Variants in KAZN observed in about 807,000 individuals in gnomAD.
KAZN encodes kazrin, periplakin interacting protein, also known as kazrin.
KAZN carries 40 observed loss-of-function variants against 87.4 expected under a neutral mutation model. The observed-to-expected ratio is 0.46, with a 90% CI of 0.36 to 0.60. KAZN has a LOEUF of 0.60. Ranked by LOEUF, KAZN falls within the 20% of genes least tolerant of loss-of-function variation. The pLI, the probability that KAZN is intolerant of heterozygous loss-of-function variation, is 0.00. For synonymous variants in KAZN, 466 were observed against 458.3 expected (o/e 1.02, Z -0.22); for missense variants, 898 against 1,073.9 (o/e 0.84, Z 2.29).
intron 1 of KAZN, among the ~76,000 whole-genome samples, chr1:14,600,203 A>G (rs2148597264): frequency 6.6e-6 from 1 of 152,360 alleles, no homozygotes; most frequent in South Asian, 2.1e-4. Context: ...AGAACAGGAC[A>G]GAAACAAATC....
At chr1:14,881,135 C>T (rs1653296651) in intron 1 of KAZN, among the ~76,000 whole-genome samples, 1 of 152,224 alleles carries the variant, frequency 6.6e-6, no homozygotes, top group African/African-American at 2.4e-5. Flanking sequence ...TCCAGCAAAG[C>T]TGTGTTCCTG....
chr1:14,423,774 G>T (rs937596785), intron 2 of KAZN, among the ~76,000 whole-genome samples: 5 of 152,150 alleles, frequency 3.3e-5, no homozygotes, highest in African/African-American at 1.2e-4. Context: ...AGTGACCCGG[G>T]CCTGGACATC....
At chr1:14,305,580 C>A (rs984155987) in intron 2 of KAZN, among the ~76,000 whole-genome samples, 1 of 152,040 alleles carries the variant, frequency 6.6e-6, no homozygotes, top group Non-Finnish European at 1.5e-5. Flanking sequence ...AAGATCTGAA[C>A]TCAAGATTAC....
intron 1 of KAZN, among the ~76,000 whole-genome samples, chr1:14,877,715 T>C (rs1652924486): frequency 6.6e-6 from 1 of 152,218 alleles, no homozygotes; most frequent in Non-Finnish European, 1.5e-5. Flanking sequence ...TAATAGTGCC[T>C]ACTGCGTGAG....
In KAZN at chr1:14,356,582, C is replaced by A. The variant is rs185518683; in HGVS notation, c.249+175990C>A. On this transcript the variant is annotated intron_variant, in intron 2 of 16. Coordinates refer to the KAZN transcript ENST00000636203. ...AGGTCTGACATTTAAGTCTTTAATCCATCTTGAGTTATTTTTTGTATAAGG... is the reference window on the plus strand; with the variant it reads ...AGGTCTGACATTTAAGTCTTTAATCAATCTTGAGTTATTTTTTGTATAAGG... Among the ~76,000 whole-genome samples, 826 of 152,154 alleles carry A rather than the reference C, an allele frequency of 5.4e-3. 5 individuals are homozygous for A. Among genetic ancestry groups the A allele is most frequent in the South Asian group, 0.024 (115 of 4,822 alleles).
chr1:14,141,959 A>G (rs977809107), intron 1 of KAZN, among the ~76,000 whole-genome samples: 1 of 82,354 alleles, frequency 1.2e-5, no homozygotes, highest in Non-Finnish European at 2.2e-5. Context: ...ATGAGAATTG[A>G]TATTTTTTCC....
At chr1:14,193,032 G>A (rs1157402812) in intron 2 of KAZN, among the ~76,000 whole-genome samples, 2 of 152,084 alleles carry the variant, frequency 1.3e-5, no homozygotes, top group Non-Finnish European at 2.9e-5. Flanking sequence ...GATCATGGGG[G>A]CAGTTCCCCC....
At chr1:13,902,085 C>T (rs1431844418) in intron 1 of KAZN, among the ~76,000 whole-genome samples, 1 of 152,248 alleles carries the variant, frequency 6.6e-6, no homozygotes, top group African/African-American at 2.4e-5. Flanking sequence ...GGGTGGTCAG[C>T]CACAGAGCTG....
At chr1:14,171,515 G>C (rs1570931485) in intron 1 of KAZN, among the ~76,000 whole-genome samples, 3 of 152,220 alleles carry the variant, frequency 2.0e-5, no homozygotes, top group African/African-American at 4.8e-5. Context: ...AATTATTTAG[G>C]CTTCATTTAT....
At chr1:14,028,872 A>G (rs563178932) in intron 1 of KAZN, among the ~76,000 whole-genome samples, 4 of 152,114 alleles carry the variant, frequency 2.6e-5, no homozygotes, top group East Asian at 1.9e-4. Flanking sequence ...CCAGTCTATC[A>G]TTGTTGGACA....
intron 1 of KAZN, among the ~76,000 whole-genome samples, chr1:14,077,260 C>T (rs1240644894): frequency 6.6e-6 from 1 of 152,092 alleles, no homozygotes; most frequent in Non-Finnish European, 1.5e-5. Flanking sequence ...CCATAGAGTG[C>T]CAAGATGCCG....
At chr1:14,902,442 A>G (rs1656039166) in intron 1 of KAZN, among the ~76,000 whole-genome samples, 1 of 151,862 alleles carries the variant, frequency 6.6e-6, no homozygotes, top group African/African-American at 2.4e-5. Flanking sequence ...GTTAGCCAGG[A>G]TGGTCTTGAT....
chr1:14,157,983 G>A (rs1009332956), intron 1 of KAZN, among the ~76,000 whole-genome samples: 4 of 152,110 alleles, frequency 2.6e-5, no homozygotes, highest in Non-Finnish European at 5.9e-5. Context: ...ACCCTCATGA[G>A]CCAATCACCT....
intron 2 of KAZN, among the ~76,000 whole-genome samples, chr1:14,488,445 A>C (rs1669468250): frequency 6.6e-6 from 1 of 152,202 alleles, no homozygotes; most frequent in Admixed American, 6.5e-5. Context: ...GCTTGGACTG[A>C]AATCCTGGTT....
intron 1 of KAZN, among the ~76,000 whole-genome samples, chr1:14,164,384 T>C (rs903761895): frequency 6.6e-6 from 1 of 151,972 alleles, no homozygotes; most frequent in Admixed American, 6.6e-5. Flanking sequence ...ATGGCCTGCT[T>C]GAATATCCTT....
At chr1:15,102,270 A>G (rs1372342672) in intron 11 of KAZN, among the ~76,000 whole-genome samples, 1 of 152,258 alleles carries the variant, frequency 6.6e-6, no homozygotes, top group East Asian at 1.9e-4. Flanking sequence ...AAGAAAACCC[A>G]GAGAAGTCTT....
intron 2 of KAZN, among the ~76,000 whole-genome samples, chr1:14,999,739 G>A (rs938828225): frequency 2.8e-4 from 42 of 152,330 alleles, no homozygotes; most frequent in African/African-American, 9.1e-4. Context: ...CGAGGAATGC[G>A]CCTGTGGATG....
intron 1 of KAZN, among the ~76,000 whole-genome samples, chr1:14,819,346 G>T (rs559907605): frequency 3.9e-4 from 59 of 152,250 alleles, no homozygotes; most frequent in Non-Finnish European, 6.5e-4. Flanking sequence ...GGGCTGTGGG[G>T]CCCAGTTGTT....
intron 2 of KAZN, among the ~76,000 whole-genome samples, chr1:14,992,586 C>T (rs2101961037): frequency 6.6e-6 from 1 of 152,272 alleles, no homozygotes; most frequent in Middle Eastern, 3.4e-3. Context: ...TTAGGAACAG[C>T]CCTTGGCACC....
Sources: gnomAD v4.1 joint callset for allele counts (sites outside exome capture counted in the v4.1 genomes callset) on GRCh38, gnomAD v4.1.1 for gene constraint, MANE v1.5 for transcripts, NCBI Gene and HGNC (gene_info 2026-07-23, HGNC 2026-07-21) for gene names.